The following PTPRR variants were observed in gnomAD, a reference collection of about 807,000 sequenced individuals.
PTPRR encodes the protein protein tyrosine phosphatase receptor type R.
PTPRR carries 38 observed loss-of-function variants against 77.2 expected under a neutral mutation model. The ratio of observed to expected loss-of-function variants is 0.49; its 90% CI spans 0.38 to 0.65. The LOEUF is 0.65. PTPRR is among the 30% of genes least tolerant of loss of function. The probability of loss-of-function intolerance (pLI) is 0.00; values close to 1 mark genes in which losing one functional copy is unlikely to be tolerated. For missense variants in PTPRR, 744 were observed against 799.2 expected (o/e 0.93, Z 0.83); for synonymous variants, 299 against 283.1 (o/e 1.06, Z -0.57).
At chr12:70,794,624 T>A (rs1565699504) in intron 2 of PTPRR, among the ~76,000 whole-genome samples, 1 of 152,190 alleles carries the variant, frequency 6.6e-6, no homozygotes. Flanking sequence ...GAAGACTCCC[T>A]TTCCTTTGGT....
At chr12:70,690,807 T>C (rs1166227236) in intron 8 of PTPRR, among the ~76,000 whole-genome samples, 2 of 152,204 alleles carry the variant, frequency 1.3e-5, no homozygotes, top group South Asian at 2.1e-4. Flanking sequence ...CTTTGTGGAC[T>C]AAAGTGTTAC....
At position 70,684,387 on chromosome 12, in the gene PTPRR, A is replaced by G. The variant is rs373939959; in HGVS notation, c.1360-123T>C. The G allele has an allele frequency of 6.7e-4, 688 of 1,023,330 alleles. 9 individuals are homozygous for G. In the South Asian group the frequency reaches 0.01, roughly 16 times the overall value. 63.4% of individuals were successfully genotyped at this position (1,023,330 alleles called of 1,614,324 possible). A position where few individuals can be genotyped will look rare whatever the true frequency, so the allele number is the denominator to read the frequency against. On this transcript the variant is annotated intron_variant, in intron 9 of 13. Transcript: ENST00000283228. ...CAAAAGCAACACAGGTTACGGCTTC[A>G]CTGACTCTAGTACAACAATTTCCAT...
chr12:70,661,049 G>T lies in PTPRR; in HGVS notation c.1657C>A (p.Pro553Thr). Residue 553 changes from proline to threonine, a missense_variant, in exon 12 of 14, where the codon CCT becomes ACT. This residue lies in a region of PTPRR where 170 missense variants were observed against 209.8 expected (regional missense o/e 0.81). Coordinates refer to ENST00000283228, the MANE Select transcript of PTPRR (RefSeq NM_002849.4). ...HVKHYWYTSW[P>T]DHKTPDSAQP... ...GCACTGTCTGGAGTCTTGTGATCAG[G>T]CCATGAGGTGTACCAGTAATGCTTC... The T allele has an allele frequency of 6.2e-7, 1 of 1,613,188 alleles. No individual in the cohort carries two copies. The highest frequency in any genetic ancestry group is 8.5e-7 in the Non-Finnish European group (1 of 1,179,632).
In PTPRR at chr12:70,913,709, C is replaced by A. The variant is rs144099085; in HGVS notation, c.58+6624G>T. Among the ~76,000 whole-genome samples the A allele has an allele frequency of 2.9e-3, 445 of 152,260 alleles. 2 individuals carry two copies. The highest frequency in any genetic ancestry group is 1.0e-2 in the African/African-American group (415 of 41,568). ...TTACATAGAAAATTTTCTGTCCCATCTCCATTTCCTTGTTGTCAATAAGTG... is the reference window on the plus strand; with the variant it reads ...TTACATAGAAAATTTTCTGTCCCATATCCATTTCCTTGTTGTCAATAAGTG... On this transcript the variant is annotated intron_variant, in intron 1 of 13. Transcript: ENST00000283228.
At chr12:70,658,504 T>C (rs1389168983) in intron 12 of PTPRR, among the ~76,000 whole-genome samples, 2 of 152,212 alleles carry the variant, frequency 1.3e-5, no homozygotes, top group Non-Finnish European at 2.9e-5. Context: ...GAATGGCAGG[T>C]ATTTTGGCTG....
chr12:70,769,186 A>G (rs1394405579), intron 2 of PTPRR, among the ~76,000 whole-genome samples: 4,709 of 147,758 alleles, frequency 0.032, 237 homozygotes, highest in African/African-American at 0.12. Context: ...AAGGAAATAA[A>G]GGGTATTCAA....
intron 6 of PTPRR, 74 bp from the exon 7 acceptor site, chr12:70,701,397 T>C: frequency 7.6e-7 from 1 of 1,319,270 alleles, no homozygotes. Context: ...TTTCTGTACA[T>C]GCACACAATT....
At chr12:70,895,430 C>A (rs1163153274) in intron 1 of PTPRR, among the ~76,000 whole-genome samples, 1 of 151,486 alleles carries the variant, frequency 6.6e-6, no homozygotes, top group Non-Finnish European at 1.5e-5. Flanking sequence ...GGGACAAAAT[C>A]TAAGTTGAAG....
chr12:70,902,933 CTT>C (rs959754776), intron 1 of PTPRR, among the ~76,000 whole-genome samples: 1 of 151,624 alleles, frequency 6.6e-6, no homozygotes, highest in Non-Finnish European at 1.5e-5. Flanking sequence ...ACTATTCAGT[CTT>C]ATAAAAGGAA....
chr12:70,731,234 A>G (rs1156918940), intron 6 of PTPRR, among the ~76,000 whole-genome samples: 1 of 152,230 alleles, frequency 6.6e-6, no homozygotes, highest in Admixed American at 6.5e-5. Context: ...GGTCAAGATT[A>G]TAATGATTAC....
chr12:70,791,369 T>TAACTCC (rs1187543585), intron 2 of PTPRR, among the ~76,000 whole-genome samples: 2 of 152,202 alleles, frequency 1.3e-5, no homozygotes, highest in African/African-American at 4.8e-5. Flanking sequence ...TATGCAGGGC[T>TAACTCC]AACTCCCTCC....
chr12:70,831,238 A>C, intron 2 of PTPRR, among the ~76,000 whole-genome samples: 1 of 152,242 alleles, frequency 6.6e-6, no homozygotes, highest in East Asian at 1.9e-4. Context: ...ATAAATGTTC[A>C]ATCTATTAAT....
At chr12:70,787,025 AT>A (rs1891337582) in intron 2 of PTPRR, among the ~76,000 whole-genome samples, 2 of 152,324 alleles carry the variant, frequency 1.3e-5, no homozygotes, top group South Asian at 4.1e-4. Context: ...ATTTTCCACA[AT>A]GTGTTATTTT....
rs1198578324 is a variant in PTPRR at position 70,892,925 on chromosome 12, A to G, written c.111T>C (p.Ser37=). The stretch of plus-strand genomic sequence containing the variant: ...GCTTATAAATGAATACCGGCTTCCC[A>G]CTCTTCTTCTGATTAATTGCCAAAA... The part of the protein sequence containing the change: ...DHFLAINQKK[S]GKPVFIYKHS... The change falls in exon 2 of 14, where the codon AGT becomes AGC. Residue 37 remains serine, a synonymous_variant. Coordinates refer to ENST00000283228, the MANE Select transcript of PTPRR (RefSeq NM_002849.4). 5.0e-6 allele frequency: 8 copies of G among 1,613,194 alleles called. No individual in the cohort carries two copies. The highest frequency in any genetic ancestry group is 6.8e-6 in the Non-Finnish European group (8 of 1,179,502).
rs138030425 is a variant in PTPRR, at chr12:70,691,514, C to T, written c.1280-6731G>A. ...CTCATTCATTCCTGTGACTTTATTACGCACATCCTGAGGGCTCTCAAATAC... is the reference window on the plus strand; with the variant it reads ...CTCATTCATTCCTGTGACTTTATTATGCACATCCTGAGGGCTCTCAAATAC... On this transcript the variant is annotated intron_variant, in intron 8 of 13. Transcript: ENST00000283228. Among the ~76,000 whole-genome samples, 79 of 152,246 alleles carry T rather than the reference C, an allele frequency of 5.2e-4. 1 individual carries two copies. The highest frequency in any genetic ancestry group is 3.4e-3 in the Middle Eastern group (1 of 294).
Position 70,662,486 on chromosome 12 carries a change from T to A in PTPRR, c.1608+9A>T. 6.5e-7 allele frequency: 1 copy of A among 1,539,428 alleles called. No homozygotes were observed. The highest frequency in any genetic ancestry group is 1.7e-5 in the Admixed American group (1 of 58,074). ...TACTTTGTAGATGGCTATAGCTACA[T>A]AATCTTACCTTTAAGACAAGGTTTC... On this transcript the variant is annotated intron_variant, in intron 11 of 13. Transcript: ENST00000283228.
intron 2 of PTPRR, among the ~76,000 whole-genome samples, chr12:70,877,428 C>T (rs1188743771): frequency 1.3e-5 from 2 of 152,136 alleles, no homozygotes; most frequent in African/African-American, 2.4e-5. Flanking sequence ...ATGTGCTTTA[C>T]AGAACACATT....
intron 10 of PTPRR, among the ~76,000 whole-genome samples, chr12:70,671,505 A>G (rs1255556471): frequency 6.6e-6 from 1 of 152,154 alleles, no homozygotes; most frequent in Non-Finnish European, 1.5e-5. Context: ...AACAAAAATC[A>G]TTTCTCCAAT....
chr12:70,842,785 A>G (rs1892418285), intron 2 of PTPRR, among the ~76,000 whole-genome samples: 1 of 152,218 alleles, frequency 6.6e-6, no homozygotes, highest in African/African-American at 2.4e-5. Context: ...CCAAAATAAG[A>G]TAATAGTCAC....
Sources: allele counts gnomAD v4.1 joint callset (sites outside exome capture counted in the v4.1 genomes callset), GRCh38; gene constraint gnomAD v4.1.1; regional missense constraint gnomAD v4.1.1; transcripts MANE v1.5; gene names NCBI Gene and HGNC (gene_info 2026-07-23, HGNC 2026-07-21).